Variants in CCDC60 observed in about 807,000 individuals in gnomAD.
The protein encoded by CCDC60 is coiled-coil domain containing 60.
Under a neutral mutation model 63.5 loss-of-function variants are expected in CCDC60, and 54 were observed. The ratio of observed to expected loss-of-function variants is 0.85; its 90% CI spans 0.68 to 1.07. The LOEUF (loss-of-function observed/expected upper bound fraction) is 1.07, where lower values mean the gene tolerates loss of function less well. Among genes scored for constraint, CCDC60 ranks in the 50% least tolerant of loss-of-function variants. The pLI, the probability that CCDC60 is intolerant of heterozygous loss-of-function variation, is 0.00. For synonymous variants in CCDC60, 206 were observed against 238.8 expected (o/e 0.86, Z 1.27); for missense variants, 651 against 684.3 (o/e 0.95, Z 0.54).
chr12:119,440,661 C>A (rs1404785411), intron 2 of CCDC60, among the ~76,000 whole-genome samples: 2 of 151,946 alleles, frequency 1.3e-5, no homozygotes, highest in African/African-American at 4.8e-5. Context: ...CAGGGGTTTA[C>A]CGGGAAGTAG....
chr12:119,517,282 C>T (rs1001754502), intron 8 of CCDC60, among the ~76,000 whole-genome samples: 2 of 152,214 alleles, frequency 1.3e-5, no homozygotes, highest in Admixed American at 1.3e-4. Flanking sequence ...ATGTGAATCA[C>T]CATACCTGGC....
chr12:119,410,682 C>A lies in CCDC60; in HGVS notation c.91-18001C>A, dbSNP rs1956580529. ...AGGGCAGAAAAAGTAAAACCCTTTA[C>A]CTCACCCATCACAGTTCTTGGATGA... On this transcript the variant is annotated intron_variant, in intron 1 of 13. Transcript: ENST00000327554. This position sits in a 1 kb window ranked among gnomAD's most constrained non-coding sequence, Gnocchi z 4.0. Among the ~76,000 whole-genome samples the A allele has an allele frequency of 6.6e-6, 1 of 152,178 alleles. No homozygotes were observed. The highest frequency in any genetic ancestry group is 2.1e-4 in the South Asian group (1 of 4,826).
intron 7 of CCDC60, among the ~76,000 whole-genome samples, chr12:119,507,551 CAT>C (rs781735897): frequency 0.23 from 15,715 of 68,710 alleles, 2,261 homozygotes; most frequent in Non-Finnish European, 0.28. Context: ...CATATATATA[CAT>C]ATATATATAT....
chr12:119,395,350 CTGTA>C (rs1397825559), intron 1 of CCDC60, among the ~76,000 whole-genome samples: 5 of 152,156 alleles, frequency 3.3e-5, no homozygotes, highest in Non-Finnish European at 5.9e-5. Context: ...GTTCCACAGG[CTGTA>C]CAGGAAGCAT....
At chr12:119,395,182 A>G (rs1956229574) in intron 1 of CCDC60, among the ~76,000 whole-genome samples, 1 of 152,246 alleles carries the variant, frequency 6.6e-6, no homozygotes, top group Non-Finnish European at 1.5e-5. Flanking sequence ...GAATGACTCT[A>G]TAGAACACCC....
At chr12:119,387,073 C>A in intron 1 of CCDC60, among the ~76,000 whole-genome samples, 1 of 150,214 alleles carries the variant, frequency 6.7e-6, no homozygotes, top group African/African-American at 2.5e-5. Flanking sequence ...CACACACACA[C>A]ACTCTCCAAT....
intron 2 of CCDC60, among the ~76,000 whole-genome samples, chr12:119,462,505 TA>T (rs932379337): frequency 6.6e-6 from 1 of 152,072 alleles, no homozygotes; most frequent in East Asian, 1.9e-4. Flanking sequence ...TGTCTCACTT[TA>T]AAAAAAATTT....
chr12:119,531,104 C>A, intron 13 of CCDC60, 41 bp downstream of exon 13: 2 of 1,557,156 alleles, frequency 1.3e-6, no homozygotes, highest in Admixed American at 1.7e-5. Flanking sequence ...TTTCAGGTGT[C>A]CTCATTCAAT....
chr12:119,528,646 C>A lies in CCDC60; in HGVS notation c.1261C>A (p.Arg421Ser). ...AGAAGAGAGAGGTATCCAGAAGTTCCGTGCTTTTGTCCTTGTCTCAAATTT... is the reference window on the plus strand; with the variant it reads ...AGAAGAGAGAGGTATCCAGAAGTTCAGTGCTTTTGTCCTTGTCTCAAATTT... The part of the protein sequence containing the change: ...RQEERGIQKF[R>S]AFVLVSNFQK... The change falls in exon 12 of 14, where the codon CGT (arginine) becomes AGT (serine). Residue 421 changes from arginine to serine, a missense_variant. Arg to Ser is a moderately radical substitution (Grantham distance 110). Coordinates refer to ENST00000327554, the MANE Select transcript of CCDC60 (RefSeq NM_178499.5). 2 of 1,613,900 alleles carry A rather than the reference C, an allele frequency of 1.2e-6. No homozygotes were observed. The highest frequency in any genetic ancestry group is 8.5e-7 in the Non-Finnish European group (1 of 1,179,894).
intron 2 of CCDC60, among the ~76,000 whole-genome samples, chr12:119,461,121 T>G (rs1044265598): frequency 1.3e-5 from 2 of 152,108 alleles, no homozygotes; most frequent in Non-Finnish European, 2.9e-5. Context: ...TTTTCTCTGT[T>G]TTCTCATCTG....
chr12:119,466,240 C>A (rs140679649), intron 2 of CCDC60, among the ~76,000 whole-genome samples: 31 of 152,306 alleles, frequency 2.0e-4, no homozygotes, highest in Middle Eastern at 3.4e-3. Context: ...TCCTCCATAG[C>A]AGTTGGCACT....
chr12:119,448,188 A>C (rs1950574421), intron 2 of CCDC60, among the ~76,000 whole-genome samples: 1 of 152,198 alleles, frequency 6.6e-6, no homozygotes, highest in African/African-American at 2.4e-5. Flanking sequence ...CAAAAAAAAA[A>C]AAGGTAACAA....
intron 1 of CCDC60, among the ~76,000 whole-genome samples, chr12:119,386,075 C>A (rs549556597): frequency 6.6e-6 from 1 of 152,206 alleles, no homozygotes; most frequent in African/African-American, 2.4e-5. Context: ...AACCATTCAA[C>A]CATTTATTTG....
intron 13 of CCDC60, 117 bp downstream of exon 13, chr12:119,531,180 C>T: frequency 1.2e-6 from 1 of 852,368 alleles, no homozygotes; most frequent in Non-Finnish European, 1.8e-6. Flanking sequence ...TTATGGAGCT[C>T]ATATTCTAAT....
chr12:119,531,921 C>A (rs894519097), intron 13 of CCDC60, among the ~76,000 whole-genome samples: 1 of 152,194 alleles, frequency 6.6e-6, no homozygotes, highest in African/African-American at 2.4e-5. Context: ...TTTTATCAGA[C>A]GGCATATGTG....
intron 1 of CCDC60, among the ~76,000 whole-genome samples, chr12:119,377,643 T>C (rs1955966627): frequency 6.6e-6 from 1 of 152,114 alleles, no homozygotes; most frequent in African/African-American, 2.4e-5. Context: ...TTAGTGTGAG[T>C]CCTTCCATAT....
In CCDC60 at chr12:119,410,654, T is replaced by C. The variant is rs547063393; in HGVS notation, c.91-18029T>C. ...TCTGGTTCCTTCTGTCTGAAACACC[T>C]ATAGGGCAGAAAAAGTAAAACCCTT... On this transcript the variant is annotated intron_variant, in intron 1 of 13. Coordinates refer to ENST00000327554, the MANE Select transcript of CCDC60 (RefSeq NM_178499.5). This position sits in a 1 kb window ranked among gnomAD's most constrained non-coding sequence, Gnocchi z 4.0. Among the ~76,000 whole-genome samples, 1 of 152,314 alleles carries C rather than the reference T, an allele frequency of 6.6e-6. No individual in the cohort carries two copies. Among genetic ancestry groups the C allele is most frequent in the East Asian group, 1.9e-4 (1 of 5,178 alleles).
intron 1 of CCDC60, among the ~76,000 whole-genome samples, chr12:119,425,042 C>T (rs1408584360): frequency 6.6e-6 from 1 of 152,026 alleles, no homozygotes; most frequent in Admixed American, 6.6e-5. Context: ...GAATGTTGGA[C>T]ATTATCATAG....
chr12:119,380,217 G>T (rs1955994290), intron 1 of CCDC60, among the ~76,000 whole-genome samples: 1 of 152,152 alleles, frequency 6.6e-6, no homozygotes, highest in African/African-American at 2.4e-5. Context: ...ACCACAGTTG[G>T]GTGGGAACAG....
Sources: allele counts gnomAD v4.1 joint callset (sites outside exome capture counted in the v4.1 genomes callset), GRCh38; gene constraint gnomAD v4.1.1; non-coding constraint Gnocchi (gnomAD v3.1); transcripts MANE v1.5; gene names NCBI Gene and HGNC (gene_info 2026-07-23, HGNC 2026-07-21).